The following AGMO variants were observed in gnomAD, a reference collection of about 807,000 sequenced individuals.
AGMO encodes the protein glyceryl-ether monooxygenase.
In AGMO, 75 loss-of-function variants were observed where a neutral mutation model predicts 60.2. The ratio of observed to expected loss-of-function variants is 1.25; its 90% CI spans 1.03 to 1.51. The LOEUF is 1.51. AGMO is among the 40% of genes most tolerant of loss of function. The pLI, the probability that AGMO is intolerant of heterozygous loss-of-function variation, is 0.00. For missense variants in AGMO, 763 were observed against 525.5 expected, an observed-to-expected ratio of 1.45 and a Z score of -4.42; for synonymous variants, 261 against 177.1, an observed-to-expected ratio of 1.47 and a Z score of -3.76.
intron 11 of AGMO, among the ~76,000 whole-genome samples, chr7:15,365,882 C>T (rs1277737646): frequency 6.6e-6 from 1 of 151,902 alleles, no homozygotes; most frequent in Non-Finnish European, 1.5e-5. Flanking sequence ...AAATATTAGG[C>T]AACTAAATTT....
intron 10 of AGMO, among the ~76,000 whole-genome samples, chr7:15,376,365 A>G (rs1201663566): frequency 7.1e-6 from 1 of 141,162 alleles, no homozygotes; most frequent in Non-Finnish European, 1.5e-5. Context: ...AGAGTCGACC[A>G]AAATATATTG....
intron 3 of AGMO, among the ~76,000 whole-genome samples, chr7:15,481,556 C>G (rs1044108320): frequency 3.9e-5 from 6 of 151,958 alleles, no homozygotes; most frequent in African/African-American, 1.5e-4. Context: ...AACAACATAA[C>G]TTCAAAATGT....
chr7:15,187,359 C>T, the AGMO span, among the ~76,000 whole-genome samples: 15 of 152,266 alleles, frequency 9.9e-5, no homozygotes, highest in Middle Eastern at 3.4e-3. Flanking sequence ...AAAAACAGGA[C>T]TCATAGATAA....
intron 12 of AGMO, among the ~76,000 whole-genome samples, chr7:15,292,733 TCTC>T (rs1361356869): frequency 4.7e-5 from 7 of 148,090 alleles, no homozygotes; most frequent in African/African-American, 1.5e-4. Context: ...GGAAATACAG[TCTC>T]CTCCTTTTTT....
chr7:15,137,721 G>A, the AGMO span, among the ~76,000 whole-genome samples: 2 of 152,096 alleles, frequency 1.3e-5, no homozygotes, highest in African/African-American at 2.4e-5. Flanking sequence ...ATGTTGAGGA[G>A]GTCCTTGAGT....
chr7:15,404,912 G>T (rs9690021), intron 5 of AGMO, among the ~76,000 whole-genome samples: 81,119 of 151,522 alleles, frequency 0.54, 22,402 homozygotes, highest in African/African-American at 0.67. Context: ...ATGTTAGATC[G>T]CTTTGTCATC....
chr7:15,174,086 ATGGTAGCATT>A, the AGMO span, among the ~76,000 whole-genome samples: 1 of 151,996 alleles, frequency 6.6e-6, no homozygotes, highest in South Asian at 2.1e-4. Flanking sequence ...ATGTTTCTTG[ATGGTAGCATT>A]TGGGGACTTG....
At chr7:15,476,927 C>A (rs1300437439) in intron 3 of AGMO, among the ~76,000 whole-genome samples, 1 of 152,010 alleles carries the variant, frequency 6.6e-6, no homozygotes, top group East Asian at 1.9e-4. Context: ...GCTAGTTGAT[C>A]TAGAATTTGA....
chr7:15,154,018 G>C, the AGMO span, among the ~76,000 whole-genome samples: 1 of 152,144 alleles, frequency 6.6e-6, no homozygotes, highest in East Asian at 1.9e-4. Context: ...AGAACCAGAA[G>C]TCCTAGCCAG....
intron 12 of AGMO, 117 bp downstream of exon 12, chr7:15,365,397 A>AAAAAAAAAAAAAAAAAAT: frequency 2.1e-6 from 1 of 486,320 alleles, no homozygotes; most frequent in African/African-American, 2.2e-5. Flanking sequence ...AAAAAAAAAG[A>AAAAAAAAAAAAAAAAAAT]TCAAGATTTC....
At chr7:15,312,371 G>C (rs947160162) in intron 12 of AGMO, among the ~76,000 whole-genome samples, 1 of 152,096 alleles carries the variant, frequency 6.6e-6, no homozygotes, top group Non-Finnish European at 1.5e-5. Context: ...GTTTTAAGTT[G>C]CCAGAACAAG....
intron 5 of AGMO, chr7:15,396,223 A>C (rs1322772284): frequency 6.6e-6 from 1 of 152,510 alleles, no homozygotes; most frequent in African/African-American, 2.4e-5. Context: ...TTCAAGAAAG[A>C]AGCCCCACGG....
chr7:15,212,035 C>T (rs1781605928), intron 12 of AGMO, among the ~76,000 whole-genome samples: 1 of 151,808 alleles, frequency 6.6e-6, no homozygotes, highest in African/African-American at 2.4e-5. Context: ...CAGAAAAATG[C>T]CTTGGAGAAT....
rs774429936 is a variant in AGMO at position 15,561,750 on chromosome 7, T to C, written c.96A>G (p.Thr32=). The C allele has an allele frequency of 3.7e-6, 6 of 1,611,750 alleles. No homozygotes were observed. The African/African-American group carries it at 6.7e-5, about 18-fold the overall frequency. ...TMKPSETSFQ[T]LEEVPDYVKK... ...TTACATAATCAGGCACCTCTTCTAA[T>C]GTTTGGAATGAAGTTTCACTGGGTT... Residue 32 remains threonine (T), a synonymous_variant, in exon 1 of 13, where the codon ACA becomes ACG. Coordinates refer to ENST00000342526, the MANE Select transcript of AGMO (RefSeq NM_001004320.2).
At chr7:15,124,265 C>A in the AGMO span, among the ~76,000 whole-genome samples, 1 of 151,928 alleles carries the variant, frequency 6.6e-6, no homozygotes, top group Non-Finnish European at 1.5e-5. Context: ...TTTTCCCTAC[C>A]TTGCCTTTCA....
In AGMO at chr7:15,544,810, A is replaced by C; in HGVS notation, c.371T>G (p.Val124Gly). The C allele has an allele frequency of 6.2e-7, 1 of 1,608,036 alleles. No individual in the cohort carries two copies. The change falls in exon 3 of 13, where the codon GTT becomes GGT. Residue 124 changes from valine (V) to glycine (G), a missense_variant. Physicochemically the swap from Val to Gly is moderately radical, Grantham distance 109 (BLOSUM62 -3). Coordinates refer to ENST00000342526, the MANE Select transcript of AGMO (RefSeq NM_001004320.2). The part of the protein sequence containing the change: ...PWTWYSAFLG[V>G]DFGYYWFHRM... ...ATGGAACCAGTAGTAGCCAAAGTCA[A>C]CTCCTAAGAAGGCTGAATACCAAGT...
chr7:15,375,653 T>C (rs1783421485), intron 10 of AGMO, among the ~76,000 whole-genome samples: 3 of 152,110 alleles, frequency 2.0e-5, no homozygotes, highest in Admixed American at 1.3e-4. Flanking sequence ...CACCTCGGCC[T>C]CCTAAAGTGC....
chr7:15,136,564 A>T, the AGMO span, among the ~76,000 whole-genome samples: 4 of 152,004 alleles, frequency 2.6e-5, no homozygotes, highest in Non-Finnish European at 4.4e-5. Context: ...TGTTGGTATT[A>T]TGCTCCTTCT....
chr7:15,389,591 G>A (rs894340776), intron 8 of AGMO, among the ~76,000 whole-genome samples: 1 of 152,092 alleles, frequency 6.6e-6, no homozygotes, highest in Non-Finnish European at 1.5e-5. Context: ...AACAACTGAA[G>A]GGAATTTGTT....
Sources: gnomAD v4.1 joint callset for allele counts (sites outside exome capture counted in the v4.1 genomes callset) on GRCh38, gnomAD v4.1.1 for gene constraint, MANE v1.5 for transcripts, NCBI Gene and HGNC (gene_info 2026-07-23, HGNC 2026-07-21) for gene names.